The following URB1 variants were observed in gnomAD, a reference collection of about 807,000 sequenced individuals.
The protein encoded by URB1 is nucleolar pre-ribosomal-associated protein 1.
A neutral mutation model predicts 242.3 loss-of-function variants in URB1; 197 were observed. The observed-to-expected ratio is 0.81, with a 90% CI of 0.72 to 0.91. The LOEUF is 0.91. URB1 is among the 40% of genes least tolerant of loss of function. URB1 has a pLI of 0.00. For missense variants in URB1, 2,721 were observed against 2,860.5 expected, an observed-to-expected ratio of 0.95 and a Z score of 1.11; for synonymous variants, 1,153 against 1,201.8, an observed-to-expected ratio of 0.96 and a Z score of 0.84.
chr21:32,358,640 T>C (rs1215002164), intron 14 of URB1, among the ~76,000 whole-genome samples: 3 of 152,114 alleles, frequency 2.0e-5, no homozygotes, highest in Non-Finnish European at 4.4e-5. Flanking sequence ...GGGCGCAGGA[T>C]ATAAATTCAC....
At position 32,314,237 on chromosome 21, in the gene URB1, C is replaced by T. The variant is rs1128337; in HGVS notation, c.*681G>A. The T allele has an allele frequency of 0.14, 42,584 of 296,844 alleles. 4,719 individuals are homozygous for T. The highest frequency in any genetic ancestry group is 0.37 in the African/African-American group (17,045 of 46,012). 18.4% of individuals were successfully genotyped at this position (296,844 alleles called of 1,614,324 possible). ...TCTTGCTCTGTCACCTAGGCTGGAG[C>T]GCAATGGCACGATCTCAGCTCACTG... On this transcript the variant is annotated 3_prime_UTR_variant, in exon 39 of 39. Coordinates refer to ENST00000382751, the MANE Select transcript of URB1 (RefSeq NM_014825.3).
rs368432855 is a variant in URB1, at chr21:32,350,830, C to G, written c.2706G>C (p.Ala902=). 6.4e-7 allele frequency: 1 copy of G among 1,551,314 alleles called. No homozygotes were observed. Among genetic ancestry groups the G allele is most frequent in the South Asian group, 1.2e-5 (1 of 84,034 alleles). Reference sequence around the variant, plus strand: ...GCACCTGGATGTGCTCGTCCCGAAGCGCTTGGCTCTCGTAGGCTGCCTGCA... The same window carrying G: ...GCACCTGGATGTGCTCGTCCCGAAGGGCTTGGCTCTCGTAGGCTGCCTGCA... ...ALLQAAYESQ[A]LRDEHIQVQL... is the part of the protein sequence containing the mutation. The change falls in exon 20 of 39, where the codon GCG becomes GCC. Residue 902 remains alanine (A), a synonymous_variant. Coordinates refer to ENST00000382751, the MANE Select transcript of URB1 (RefSeq NM_014825.3).
At chr21:32,352,104 C>T (rs575739606) in intron 19 of URB1, among the ~76,000 whole-genome samples, 9 of 152,282 alleles carry the variant, frequency 5.9e-5, no homozygotes, top group Non-Finnish European at 1.3e-4. Context: ...TAAGGAGGGT[C>T]TAAACTGACT....
At position 32,333,386 on chromosome 21, in the gene URB1, T is replaced by C. The variant is rs1201903525; in HGVS notation, c.4891A>G (p.Arg1631Gly). The change falls in exon 30 of 39, where the codon AGG (arginine) becomes GGG (glycine). Residue 1631 changes from arginine to glycine, a missense_variant. Physicochemically the swap from Arg to Gly is moderately radical, Grantham distance 125. Transcript: ENST00000382751. ...TCATAGAGGCCATCAAGATCCACCC[T>C]GCTTTTGTCTTTGAATATCAGCTCC... is the stretch of plus-strand genomic sequence containing the variant. ...TQELIFKDKS[R>G]VDLDGLYDPC... is the part of the protein sequence containing the mutation. 3.9e-6 allele frequency: 6 copies of C among 1,551,598 alleles called. No homozygotes were observed. The East Asian group carries it at 1.2e-4, about 32-fold the overall frequency.
intron 5 of URB1, among the ~76,000 whole-genome samples, chr21:32,376,242 TTTTTGC>T (rs1371622836): frequency 6.6e-6 from 1 of 152,232 alleles, no homozygotes; most frequent in African/African-American, 2.4e-5. Context: ...GTTTGTTTAC[TTTTTGC>T]TTTCTCTTCC....
At chr21:32,390,019 T>TAGA (rs375824416) in intron 1 of URB1, among the ~76,000 whole-genome samples, 77 of 152,248 alleles carry the variant, frequency 5.1e-4, no homozygotes, top group African/African-American at 1.7e-3. Flanking sequence ...AATCCTATCA[T>TAGA]AGGTTATGAG....
At chr21:32,343,202 T>G (rs987609153) in intron 24 of URB1, among the ~76,000 whole-genome samples, 2 of 152,152 alleles carry the variant, frequency 1.3e-5, no homozygotes, top group African/African-American at 4.8e-5. Context: ...TTTGTTTTCT[T>G]CTCTATTTTT....
intron 8 of URB1, among the ~76,000 whole-genome samples, chr21:32,369,135 G>C (rs982479835): frequency 5.9e-5 from 9 of 152,168 alleles, no homozygotes; most frequent in African/African-American, 2.2e-4. Context: ...CTGAGGTCAG[G>C]AGTTCAAGAC....
chr21:32,315,121 G>A, intron 38 of URB1, 22 bp from the exon 39 acceptor site: 1 of 1,492,226 alleles, frequency 6.7e-7, no homozygotes, highest in East Asian at 2.5e-5. Context: ...CAGGGGATAG[G>A]CCATTAGGAT....
At chr21:32,388,315 G>C (rs977016129) in intron 1 of URB1, among the ~76,000 whole-genome samples, 1 of 152,178 alleles carries the variant, frequency 6.6e-6, no homozygotes, top group East Asian at 1.9e-4. Flanking sequence ...TACACATAAA[G>C]CATCCAGCAT....
chr21:32,362,179 C>A (rs2033297219), intron 11 of URB1, among the ~76,000 whole-genome samples, 158 bp from the exon 12 acceptor site: 1 of 151,704 alleles, frequency 6.6e-6, no homozygotes, highest in Admixed American at 6.6e-5. Context: ...AAAACAGGCC[C>A]AAATCCACAT....
Position 32,337,129 on chromosome 21 carries a change from C to T in URB1, c.4650G>A (p.Ala1550=), listed in dbSNP as rs374981531. The change falls in exon 28 of 39, where the codon GCG becomes GCA. Residue 1550 remains alanine, a synonymous_variant. Coordinates refer to ENST00000382751, the MANE Select transcript of URB1 (RefSeq NM_014825.3). ...LDQKILLLLR[A]YEQNKLSLIN... is the part of the protein sequence containing the mutation. Reference sequence around the variant, plus strand: ...TGAGGCTGAGCTTGTTCTGCTCATACGCTCGAAGCAGAAGTAAAATCTTCT... The same window carrying T: ...TGAGGCTGAGCTTGTTCTGCTCATATGCTCGAAGCAGAAGTAAAATCTTCT... 15 of 1,551,758 alleles carry T rather than the reference C, an allele frequency of 9.7e-6. No individual in the cohort carries two copies. The Admixed American group carries it at 1.4e-4, about 14-fold the overall frequency.
In URB1 at chr21:32,355,560, C is replaced by T. The variant is rs144368538; in HGVS notation, c.1995G>A (p.Leu665=). ...TGTGCTCAAACACCCCCGTGTCCCG[C>T]AGAATCTGCCAGGAAGTAGGCACCG... The part of the protein sequence containing the change: ...SLTKLLIMKI[L]RDTGVFEHTW... Residue 665 remains leucine (L), a synonymous_variant, in exon 16 of 39, where the codon CTG becomes CTA. Transcript: ENST00000382751. The T allele has an allele frequency of 1.4e-4, 214 of 1,551,604 alleles. 1 individual carries two copies. The Admixed American group carries it at 4.2e-3, about 30-fold the overall frequency.
In URB1 at chr21:32,311,764, G is replaced by A; in HGVS notation, c.*3154C>T. The A allele has an allele frequency of 6.2e-7, 1 of 1,614,122 alleles. No homozygotes were observed. The highest frequency in any genetic ancestry group is 8.5e-7 in the Non-Finnish European group (1 of 1,180,030). On this transcript the variant is annotated 3_prime_UTR_variant, in exon 39 of 39. Coordinates refer to ENST00000382751, the MANE Select transcript of URB1 (RefSeq NM_014825.3). ...CTCTGCATCCAGAAGTGCCTGCCGTGCCACAGGGAACCCCTGGCAACCTCA... is the reference window on the plus strand; with the variant it reads ...CTCTGCATCCAGAAGTGCCTGCCGTACCACAGGGAACCCCTGGCAACCTCA...
chr21:32,366,202 T>C (rs188266177), intron 10 of URB1, among the ~76,000 whole-genome samples: 15 of 152,284 alleles, frequency 9.9e-5, no homozygotes, highest in Non-Finnish European at 1.8e-4. Flanking sequence ...ATCTAAACCA[T>C]AAAAGAAAGA....
intron 31 of URB1, 120 bp from the exon 32 acceptor site, chr21:32,324,722 G>T (rs545894062): frequency 5.8e-6 from 4 of 689,686 alleles, no homozygotes; most frequent in South Asian, 5.4e-5. Flanking sequence ...TATCCCAGGG[G>T]CCACTGAAGA....
chr21:32,361,041 C>T lies in URB1; in HGVS notation c.1722G>A (p.Met574Ile), dbSNP rs896127764. 4 of 1,550,824 alleles carry T rather than the reference C, an allele frequency of 2.6e-6. No individual in the cohort carries two copies. The highest frequency in any genetic ancestry group is 2.7e-5 in the African/African-American group (2 of 72,896). ...LYQKVVPHVVMQYNFDFSKLL... is the reference protein window; with the variant it reads ...LYQKVVPHVVIQYNFDFSKLL... ...GCTTGCTGAAGTCAAAGTTGTACTG[C>T]ATGACCACGTGGGGGACCACCTTCT... The change falls in exon 13 of 39, where the codon ATG becomes ATA. Residue 574 changes from methionine to isoleucine, a missense_variant. Transcript: ENST00000382751.
chr21:32,324,533 C>T lies in URB1; in HGVS notation c.5191G>A (p.Ala1731Thr), dbSNP rs1256827124. Residue 1731 changes from alanine (A) to threonine (T), a missense_variant, in exon 32 of 39, where the codon GCT (alanine) becomes ACT (threonine). By Grantham distance (58) the Ala-to-Thr change is moderately conservative. Transcript: ENST00000382751. ...TQDMRLTFTL[A>T]LFIAKAALQI... Reference sequence around the variant, plus strand: ...AGGGCTGCTTTGGCAATGAAGAGAGCCAAGGTAAAAGTAAGTCTCATGTCC... The same window carrying T: ...AGGGCTGCTTTGGCAATGAAGAGAGTCAAGGTAAAAGTAAGTCTCATGTCC... 1.3e-6 allele frequency: 2 copies of T among 1,551,772 alleles called. No individual in the cohort carries two copies. The highest frequency in any genetic ancestry group is 2.7e-5 in the African/African-American group (2 of 73,032).
intron 30 of URB1, among the ~76,000 whole-genome samples, chr21:32,331,219 A>G (rs929676995): frequency 1.7e-4 from 26 of 152,166 alleles, no homozygotes; most frequent in African/African-American, 5.8e-4. Context: ...AGCTGGACCT[A>G]GGAAAACATG....
Sources: allele counts gnomAD v4.1 joint callset (sites outside exome capture counted in the v4.1 genomes callset), GRCh38; gene constraint gnomAD v4.1.1; transcripts MANE v1.5; gene names NCBI Gene and HGNC (gene_info 2026-07-23, HGNC 2026-07-21).